Variants in GIPC2 observed in about 807,000 individuals in gnomAD.
GIPC2 encodes PDZ domain-containing protein GIPC2.
Under a neutral mutation model 30.6 loss-of-function variants are expected in GIPC2, and 30 were observed. The ratio of observed to expected loss-of-function variants is 0.98; its 90% CI spans 0.73 to 1.33. The LOEUF (loss-of-function observed/expected upper bound fraction) is 1.33, where lower values mean the gene tolerates loss of function less well. Ranked by LOEUF, GIPC2 falls within the 40% of genes most tolerant of loss-of-function variation. The pLI is 0.00. For synonymous variants in GIPC2, 167 were observed against 150.0 expected (o/e 1.11, Z -0.83); for missense variants, 414 against 390.3 (o/e 1.06, Z -0.51).
At chr1:78,089,533 T>C (rs997219713) in intron 2 of GIPC2, among the ~76,000 whole-genome samples, 2 of 152,188 alleles carry the variant, frequency 1.3e-5, no homozygotes, top group Non-Finnish European at 2.9e-5. Context: ...GTTTGTTTGT[T>C]TTTGTAGAGA....
At chr1:78,082,460 G>T (rs1049091675) in intron 2 of GIPC2, among the ~76,000 whole-genome samples, 1 of 152,136 alleles carries the variant, frequency 6.6e-6, no homozygotes, top group Non-Finnish European at 1.5e-5. Flanking sequence ...TGTGCTGAAG[G>T]TTGAGTGAGT....
chr1:78,132,041 A>C (rs978650798), intron 5 of GIPC2, among the ~76,000 whole-genome samples: 3 of 152,224 alleles, frequency 2.0e-5, no homozygotes, highest in Admixed American at 6.5e-5. Flanking sequence ...TAAGTACTTG[A>C]TAAATGTCTG....
chr1:78,089,661 A>G, intron 2 of GIPC2, among the ~76,000 whole-genome samples: 1 of 152,196 alleles, frequency 6.6e-6, no homozygotes, highest in Non-Finnish European at 1.5e-5. Context: ...GAAACTTTTT[A>G]GGTGAAAAAA....
chr1:78,056,360 C>T (rs1661297171), intron 1 of GIPC2, among the ~76,000 whole-genome samples: 1 of 152,090 alleles, frequency 6.6e-6, no homozygotes, highest in Non-Finnish European at 1.5e-5. Flanking sequence ...AGCCTGTAGT[C>T]CCACCTACTC....
At chr1:78,071,363 G>A (rs1212546235) in intron 1 of GIPC2, among the ~76,000 whole-genome samples, 1 of 151,900 alleles carries the variant, frequency 6.6e-6, no homozygotes, top group East Asian at 1.9e-4. Flanking sequence ...ATTATAAATA[G>A]TTATATTATG....
At chr1:78,062,047 A>ATTT (rs1661404188) in intron 1 of GIPC2, among the ~76,000 whole-genome samples, 1 of 152,236 alleles carries the variant, frequency 6.6e-6, no homozygotes, top group Non-Finnish European at 1.5e-5. Flanking sequence ...ATCAAAGCAC[A>ATTT]TGGAGAGGGA....
intron 1 of GIPC2, among the ~76,000 whole-genome samples, chr1:78,076,789 G>C (rs1661724312): frequency 6.6e-6 from 1 of 152,028 alleles, no homozygotes; most frequent in South Asian, 2.1e-4. Flanking sequence ...TTTTTTTTGA[G>C]ATAGAGTCTC....
In GIPC2 at chr1:78,095,354, A is replaced by G. The variant is rs200949877; in HGVS notation, c.607+222A>G. Among the ~76,000 whole-genome samples, 131 of 152,340 alleles carry G rather than the reference A, an allele frequency of 8.6e-4. 1 individual carries two copies. Among genetic ancestry groups the G allele is most frequent in the African/African-American group, 3.0e-3 (126 of 41,582 alleles). On this transcript the variant is annotated intron_variant, in intron 3 of 5. Coordinates refer to ENST00000370759, the MANE Select transcript of GIPC2 (RefSeq NM_017655.6). ...TTGCCTTGTAAAAGGACATTTTCCAAACATTTGAAATTACAAAGTCTAATG... is the reference window on the plus strand; with the variant it reads ...TTGCCTTGTAAAAGGACATTTTCCAGACATTTGAAATTACAAAGTCTAATG...
upstream of GIPC2, chr1:78,045,607 G>C (rs1038189717): frequency 1.0e-6 from 1 of 985,414 alleles, no homozygotes; most frequent in Non-Finnish European, 1.2e-6. Context: ...CCTGCAGAGC[G>C]TAAGACGCAG....
chr1:78,105,597 G>T (rs1361896806), intron 3 of GIPC2, among the ~76,000 whole-genome samples: 3 of 151,888 alleles, frequency 2.0e-5, no homozygotes, highest in African/African-American at 7.3e-5. Flanking sequence ...GAACCGTAAT[G>T]TTTTTTAAGG....
At chr1:78,087,134 A>G (rs199722565) in intron 2 of GIPC2, among the ~76,000 whole-genome samples, 1 of 152,216 alleles carries the variant, frequency 6.6e-6, no homozygotes, top group East Asian at 1.9e-4. Context: ...TGTGGATAGG[A>G]AGGGTCAATA....
chr1:78,105,872 G>C (rs756272648), intron 3 of GIPC2, among the ~76,000 whole-genome samples: 23 of 152,110 alleles, frequency 1.5e-4, no homozygotes, highest in Non-Finnish European at 2.8e-4. Context: ...AATAAATTAT[G>C]TTAAAAATCG....
intron 1 of GIPC2, among the ~76,000 whole-genome samples, chr1:78,052,146 C>A (rs549595974): frequency 1.2e-4 from 18 of 152,296 alleles, no homozygotes; most frequent in East Asian, 9.6e-4. Context: ...CCGCCAGAAC[C>A]TCTTCCTACA....
Position 78,046,225 on chromosome 1 carries a change from T to C in GIPC2, c.131T>C (p.Phe44Ser), listed in dbSNP as rs752209991. Residue 44 changes from phenylalanine (F) to serine (S), a missense_variant, in exon 1 of 6, where the codon TTC (phenylalanine) becomes TCC (serine). Physicochemically the swap from Phe to Ser is radical, Grantham distance 155. Transcript: ENST00000370759. ...CGGGCTCCCGCACGCAGGCTGGTCTTCCACGCGCAGCTGGCGCACGGTAGT... is the reference window on the plus strand; with the variant it reads ...CGGGCTCCCGCACGCAGGCTGGTCTCCCACGCGCAGCTGGCGCACGGTAGT... ...ASRAPARRLVFHAQLAHGSAT... is the reference protein window; with the variant it reads ...ASRAPARRLVSHAQLAHGSAT... 2.7e-5 allele frequency: 44 copies of C among 1,604,868 alleles called. No individual in the cohort carries two copies. Among genetic ancestry groups the C allele is most frequent in the Non-Finnish European group, 3.5e-5 (41 of 1,176,728 alleles).
intron 5 of GIPC2, among the ~76,000 whole-genome samples, chr1:78,130,414 T>C (rs1662872562): frequency 1.3e-5 from 2 of 152,192 alleles, no homozygotes; most frequent in Non-Finnish European, 2.9e-5. Flanking sequence ...ATCACTTTCT[T>C]TTTATAGTGA....
intron 1 of GIPC2, among the ~76,000 whole-genome samples, chr1:78,078,846 A>AC (rs1661769940): frequency 6.6e-6 from 1 of 151,394 alleles, no homozygotes; most frequent in South Asian, 2.1e-4. Context: ...CGGAAAAAAA[A>AC]AAAAAAAAAA....
At chr1:78,083,339 C>T (rs1661867490) in intron 2 of GIPC2, among the ~76,000 whole-genome samples, 1 of 152,118 alleles carries the variant, frequency 6.6e-6, no homozygotes, top group African/African-American at 2.4e-5. Flanking sequence ...AGGAAAATTA[C>T]ATAAGTGATG....
intron 4 of GIPC2, among the ~76,000 whole-genome samples, chr1:78,124,261 G>A (rs746935548): frequency 6.6e-6 from 1 of 151,798 alleles, no homozygotes; most frequent in African/African-American, 2.4e-5. Flanking sequence ...TAATCATTTC[G>A]GGAAGAACAA....
intron 1 of GIPC2, among the ~76,000 whole-genome samples, chr1:78,064,968 C>T (rs567511548): frequency 7.1e-4 from 108 of 152,060 alleles, no homozygotes; most frequent in Non-Finnish European, 8.2e-4. Context: ...TGGTCTCAAA[C>T]TCCTGACCTC....
Sources: allele counts gnomAD v4.1 joint callset (sites outside exome capture counted in the v4.1 genomes callset), GRCh38; gene constraint gnomAD v4.1.1; transcripts MANE v1.5; gene names NCBI Gene and HGNC (gene_info 2026-07-23, HGNC 2026-07-21).